SLC18B1: variants seen among roughly 807,000 people sequenced by gnomAD.
SLC18B1 encodes the protein solute carrier family 18 member B1.
SLC18B1 carries 62 observed loss-of-function variants against 53.9 expected under a neutral mutation model. The ratio of observed to expected loss-of-function variants is 1.15; its 90% confidence interval spans 0.94 to 1.42. The LOEUF (loss-of-function observed/expected upper bound fraction) is 1.42, where lower values mean the gene tolerates loss of function less well. Ranked by LOEUF, SLC18B1 falls within the 40% of genes most tolerant of loss-of-function variation. The pLI is 0.00. For missense variants in SLC18B1, 598 were observed against 547.3 expected (o/e 1.09, Z -0.93); for synonymous variants, 217 against 200.9 (o/e 1.08, Z -0.68).
rs1192622800 is a variant in SLC18B1 at position 132,783,945 on chromosome 6, A to C, written c.646T>G (p.Leu216Val). ...AGTGTGGACTTACCGTAATTGGGTA[A>C]AATATACATATTGAGTGGTACCATC... ...LLMVPLNMYI[L>V]PNYESDPGEH... is the part of the protein sequence containing the mutation. Residue 216 changes from leucine (L) to valine (V), a missense_variant, in exon 6 of 14, where the codon TTA (leucine) becomes GTA (valine). By Grantham distance (32) the Leu-to-Val change is conservative. Transcript: ENST00000275227. The C allele has an allele frequency of 6.3e-7, 1 of 1,593,158 alleles. No homozygotes were observed. Among genetic ancestry groups the C allele is most frequent in the Non-Finnish European group, 8.5e-7 (1 of 1,172,160 alleles).
At chr6:132,792,585 C>A (rs753638505) in intron 2 of SLC18B1, among the ~76,000 whole-genome samples, 6 of 152,020 alleles carry the variant, frequency 3.9e-5, no homozygotes, top group Non-Finnish European at 7.4e-5. Context: ...TATCTAACAA[C>A]AATTAAATTA....
intron 2 of SLC18B1, among the ~76,000 whole-genome samples, chr6:132,793,144 G>A (rs774340832): frequency 6.8e-6 from 1 of 148,038 alleles, no homozygotes; most frequent in Non-Finnish European, 1.5e-5. Flanking sequence ...AAATAAATAA[G>A]CAATTTCTGG....
chr6:132,786,812 A>C (rs1005833220), intron 5 of SLC18B1, among the ~76,000 whole-genome samples: 1 of 152,174 alleles, frequency 6.6e-6, no homozygotes, highest in African/African-American at 2.4e-5. Context: ...TCAGAGAGGC[A>C]GCTGCCTAGA....
chr6:132,785,171 G>A (rs1232090479), intron 5 of SLC18B1, among the ~76,000 whole-genome samples: 2 of 151,730 alleles, frequency 1.3e-5, no homozygotes, highest in African/African-American at 2.4e-5. Context: ...ATATATATAT[G>A]TGGAATTTCT....
intron 10 of SLC18B1, among the ~76,000 whole-genome samples, chr6:132,772,488 T>C (rs911683222): frequency 2.0e-5 from 3 of 152,110 alleles, no homozygotes; most frequent in African/African-American, 7.2e-5. Context: ...AATTAAGAAA[T>C]TCTTAAAATG....
rs1780993396 is a variant in SLC18B1, at chr6:132,772,175, A to G, written c.1117T>C (p.Leu373=). 1 of 1,582,836 alleles carries G rather than the reference A, an allele frequency of 6.3e-7. No individual in the cohort carries two copies. The highest frequency in any genetic ancestry group is 8.6e-7 in the Non-Finnish European group (1 of 1,169,140). ...CTAAAAAGACCTGATACAAGTCCCAATGTACTTAATCCCTCTTCAAACCCA... is the reference window on the plus strand; with the variant it reads ...CTAAAAAGACCTGATACAAGTCCCAGTGTACTTAATCCCTCTTCAAACCCA... ...ENGFEEGLST[L]GLVSGLFSAM... The change falls in exon 11 of 14, where the codon TTG becomes CTG. Residue 373 remains leucine (L), a synonymous_variant. Transcript: ENST00000275227.
intron 7 of SLC18B1, among the ~76,000 whole-genome samples, chr6:132,778,581 T>C (rs1336794833): frequency 6.6e-6 from 1 of 152,222 alleles, no homozygotes; most frequent in Non-Finnish European, 1.5e-5. Flanking sequence ...TTCTGTGCTA[T>C]TTTAAATCTA....
At chr6:132,792,389 A>G (rs1781573366) in intron 2 of SLC18B1, among the ~76,000 whole-genome samples, 2 of 149,608 alleles carry the variant, frequency 1.3e-5, no homozygotes, top group South Asian at 2.1e-4. Flanking sequence ...AAAGAGAAAG[A>G]AGGAAAGAAG....
At chr6:132,787,093 C>T (rs1472031700) in intron 5 of SLC18B1, among the ~76,000 whole-genome samples, 1 of 152,148 alleles carries the variant, frequency 6.6e-6, no homozygotes, top group African/African-American at 2.4e-5. Flanking sequence ...CAGAGGAATG[C>T]TTCAGGCAGC....
chr6:132,770,266 C>A lies in SLC18B1; in HGVS notation c.*4G>T, dbSNP rs759534156. ...AACCTTGTATCAATCCAGGATCCATCGGACTAGGTTTCATTAGGCAAGAGA... is the reference window on the plus strand; with the variant it reads ...AACCTTGTATCAATCCAGGATCCATAGGACTAGGTTTCATTAGGCAAGAGA... On this transcript the variant is annotated 3_prime_UTR_variant, in exon 14 of 14. Transcript: ENST00000275227. 6.8e-6 allele frequency: 11 copies of A among 1,610,350 alleles called. No individual in the cohort carries two copies. Among genetic ancestry groups the A allele is most frequent in the Non-Finnish European group, 9.3e-6 (11 of 1,176,644 alleles).
intron 8 of SLC18B1, among the ~76,000 whole-genome samples, chr6:132,775,250 C>A (rs1781071055): frequency 6.6e-6 from 1 of 152,188 alleles, no homozygotes; most frequent in Non-Finnish European, 1.5e-5. Context: ...TCTGCCAGTG[C>A]CTTAATCTTG....
intron 2 of SLC18B1, among the ~76,000 whole-genome samples, chr6:132,794,095 A>T (rs376390838): frequency 4.7e-4 from 68 of 143,326 alleles, no homozygotes; most frequent in African/African-American, 1.7e-3. Context: ...GGCTCTTATT[A>T]TTTTTTTTTT....
At chr6:132,786,536 G>A (rs1450504560) in intron 5 of SLC18B1, among the ~76,000 whole-genome samples, 27 of 136,588 alleles carry the variant, frequency 2.0e-4, no homozygotes, top group Admixed American at 2.0e-3. Context: ...GCTACGGAGC[G>A]AGACTCCATC....
rs763588456 is a variant in SLC18B1 at position 132,770,344 on chromosome 6, G to C, written c.1305-8C>G. ...ATGTTTTGAGATTTAGACCTACATT[G>C]AGGGAAAGAAGAGATGAATCTCAAT... On this transcript the variant is annotated splice_polypyrimidine_tract_variant and splice_region_variant and intron_variant, in intron 13 of 13. Transcript: ENST00000275227. The C allele has an allele frequency of 6.2e-7, 1 of 1,608,580 alleles. No individual in the cohort carries two copies. The highest frequency in any genetic ancestry group is 8.5e-7 in the Non-Finnish European group (1 of 1,175,008).
intron 6 of SLC18B1, among the ~76,000 whole-genome samples, chr6:132,781,385 G>A (rs1781231369): frequency 6.6e-6 from 1 of 152,110 alleles, no homozygotes; most frequent in South Asian, 2.1e-4. Context: ...CCTCAGGTGT[G>A]AGGGGACAGG....
At chr6:132,774,982 T>C (rs1582855321) in intron 8 of SLC18B1, among the ~76,000 whole-genome samples, 2 of 152,256 alleles carry the variant, frequency 1.3e-5, no homozygotes, top group East Asian at 3.9e-4. Flanking sequence ...AATCACATTA[T>C]TAAAAAATTA....
chr6:132,797,185 T>C lies in SLC18B1; in HGVS notation c.44-64A>G, dbSNP rs969149102. On this transcript the variant is annotated intron_variant, in intron 1 of 13. Transcript: ENST00000275227. ...GACTACTGATTAAAGTACACAAATG[T>C]GATTTCTGTGCACATATGTTGCACT... 5.0e-6 allele frequency: 8 copies of C among 1,589,856 alleles called. No individual in the cohort carries two copies. In the African/African-American group the frequency reaches 8.1e-5, roughly 16 times the overall value.
intron 8 of SLC18B1, among the ~76,000 whole-genome samples, chr6:132,774,755 A>G (rs997550310): frequency 6.6e-6 from 1 of 152,096 alleles, no homozygotes; most frequent in Non-Finnish European, 1.5e-5. Context: ...TTAAAAAAAT[A>G]CAAAAATTAG....
intron 4 of SLC18B1, chr6:132,789,404 A>T (rs1256606486): frequency 5.9e-6 from 1 of 170,670 alleles, no homozygotes; most frequent in Non-Finnish European, 1.3e-5. Context: ...CATCGTTTCA[A>T]ATCTGTATTC....
Sources: allele counts gnomAD v4.1 joint callset (sites outside exome capture counted in the v4.1 genomes callset), GRCh38; gene constraint gnomAD v4.1.1; transcripts MANE v1.5; gene names NCBI Gene and HGNC (gene_info 2026-07-23, HGNC 2026-07-21).